The following OR6N1 variants were observed in gnomAD, a reference collection of about 807,000 sequenced individuals.
OR6N1 encodes the protein olfactory receptor family 6 subfamily N member 1, also known as olfactory receptor 6N1.
For synonymous variants in OR6N1, 170 were observed against 150.7 expected, an observed-to-expected ratio of 1.13 and a Z score of -0.94; for missense variants, 394 against 371.7, an observed-to-expected ratio of 1.06 and a Z score of -0.49.
At chr1:158,782,315 ACTT>A in the OR6N1 span, among the ~76,000 whole-genome samples, 1 of 152,212 alleles carries the variant, frequency 6.6e-6, no homozygotes, top group Non-Finnish European at 1.5e-5. Flanking sequence ...TGGCAACTAA[ACTT>A]CTCCAAATAA....
chr1:158,800,614 G>A, the OR6N1 span, among the ~76,000 whole-genome samples: 1 of 152,104 alleles, frequency 6.6e-6, no homozygotes, highest in East Asian at 1.9e-4. Flanking sequence ...TAAATTGAGA[G>A]GGAGATAATG....
intron 1 of OR6N1, among the ~76,000 whole-genome samples, chr1:158,768,513 C>G (rs1406043572): frequency 1.3e-5 from 2 of 152,244 alleles, no homozygotes; most frequent in Admixed American, 6.5e-5. Flanking sequence ...TTTATCTCTC[C>G]CCTCTTACTG....
chr1:158,796,915 A>G, the OR6N1 span, among the ~76,000 whole-genome samples: 19 of 146,892 alleles, frequency 1.3e-4, no homozygotes, highest in Non-Finnish European at 2.7e-4. Context: ...CCTCCTTTTC[A>G]GCACTAAGTG....
At chr1:158,803,655 T>C in the OR6N1 span, among the ~76,000 whole-genome samples, 1 of 152,238 alleles carries the variant, frequency 6.6e-6, no homozygotes, top group African/African-American at 2.4e-5. Flanking sequence ...ACTGTATACC[T>C]GTATGGCTTG....
the OR6N1 span, among the ~76,000 whole-genome samples, chr1:158,778,110 G>A: frequency 2.1e-3 from 320 of 152,150 alleles, 7 homozygotes; most frequent in African/African-American, 6.9e-3. Flanking sequence ...GTGAATTTTG[G>A]GTATGAGATT....
At chr1:158,811,680 GAATC>G in the OR6N1 span, among the ~76,000 whole-genome samples, 1 of 152,124 alleles carries the variant, frequency 6.6e-6, no homozygotes, top group African/African-American at 2.4e-5. Flanking sequence ...TGAAATTTAG[GAATC>G]AGAGGCAAAA....
the OR6N1 span, among the ~76,000 whole-genome samples, chr1:158,814,362 T>C: frequency 6.6e-6 from 1 of 152,232 alleles, no homozygotes; most frequent in African/African-American, 2.4e-5. Context: ...TCTACCCTTC[T>C]AGAGTGTTAA....
chr1:158,836,777 T>C, the OR6N1 span, among the ~76,000 whole-genome samples: 1 of 151,850 alleles, frequency 6.6e-6, no homozygotes, highest in African/African-American at 2.4e-5. Flanking sequence ...TTTGTTCTAC[T>C]TTTTTAAGTT....
At chr1:158,787,620 A>C in the OR6N1 span, among the ~76,000 whole-genome samples, 1,643 of 122,108 alleles carry the variant, frequency 0.013, no homozygotes, top group African/African-American at 0.025. Flanking sequence ...CTATCTCTCT[A>C]TCTCTCTCTC....
chr1:158,832,724 GTCTT>G, the OR6N1 span, among the ~76,000 whole-genome samples: 2 of 151,796 alleles, frequency 1.3e-5, no homozygotes, highest in African/African-American at 4.8e-5. Flanking sequence ...TTCCTAAAAA[GTCTT>G]TCTTTAAGTT....
chr1:158,777,668 C>T, the OR6N1 span: 15 of 1,426,570 alleles, frequency 1.1e-5, no homozygotes, highest in African/African-American at 2.8e-5. Flanking sequence ...AAGAAGAAAA[C>T]ATTGGATTGA....
chr1:158,829,948 C>T, the OR6N1 span, among the ~76,000 whole-genome samples: 9,810 of 152,178 alleles, frequency 0.064, 431 homozygotes, highest in African/African-American at 0.12. Context: ...TATTTTAAAA[C>T]GATCAGATCT....
the OR6N1 span, among the ~76,000 whole-genome samples, chr1:158,794,240 C>G: frequency 9.2e-5 from 14 of 152,324 alleles, no homozygotes; most frequent in Admixed American, 9.2e-4. Flanking sequence ...ACACTCTTCA[C>G]AAGCGTCAGG....
the OR6N1 span, among the ~76,000 whole-genome samples, chr1:158,794,047 G>A: frequency 6.6e-6 from 1 of 152,194 alleles, no homozygotes; most frequent in Admixed American, 6.5e-5. Context: ...TCTATGTAGA[G>A]GGCGATAGTG....
the OR6N1 span, among the ~76,000 whole-genome samples, chr1:158,815,117 G>A: frequency 2.0e-5 from 3 of 152,108 alleles, no homozygotes; most frequent in African/African-American, 7.2e-5. Flanking sequence ...AGGTAAGCCT[G>A]GAGCACTGAG....
intron 1 of OR6N1, among the ~76,000 whole-genome samples, chr1:158,767,041 T>C (rs1276542618): frequency 3.3e-5 from 5 of 152,254 alleles, no homozygotes; most frequent in Non-Finnish European, 7.3e-5. Flanking sequence ...TTAACATTTA[T>C]ACATATTGTT....
At chr1:158,813,919 C>T in the OR6N1 span, among the ~76,000 whole-genome samples, 12 of 151,880 alleles carry the variant, frequency 7.9e-5, no homozygotes, top group Admixed American at 6.6e-4. Flanking sequence ...AGGCTGGTCT[C>T]GAATTCCTGG....
At chr1:158,809,745 C>T in the OR6N1 span, among the ~76,000 whole-genome samples, 1 of 152,158 alleles carries the variant, frequency 6.6e-6, no homozygotes, top group African/African-American at 2.4e-5. Flanking sequence ...GTTGAAGCTT[C>T]TTTCAGGAAG....
At chr1:158,824,783 G>A in the OR6N1 span, among the ~76,000 whole-genome samples, 1 of 152,032 alleles carries the variant, frequency 6.6e-6, no homozygotes, top group Non-Finnish European at 1.5e-5. Flanking sequence ...ATTGAAACTG[G>A]ACCCCTTCCT....
Sources: gnomAD v4.1 joint callset for allele counts (sites outside exome capture counted in the v4.1 genomes callset) on GRCh38, gnomAD v4.1.1 for gene constraint, MANE v1.5 for transcripts, NCBI Gene and HGNC (gene_info 2026-07-23, HGNC 2026-07-21) for gene names.